PTK2: variants seen among roughly 807,000 people sequenced by gnomAD.
The protein encoded by PTK2 is focal adhesion kinase 1.
In PTK2, 45 loss-of-function variants were observed where a neutral mutation model predicts 150.1. The observed-to-expected ratio is 0.30, with a 90% CI of 0.24 to 0.38. The LOEUF is 0.38. Ranked by LOEUF, PTK2 falls within the 10% of genes least tolerant of loss-of-function variation. The pLI, the probability that PTK2 is intolerant of heterozygous loss-of-function variation, is 1.00. For synonymous variants in PTK2, 432 were observed against 449.2 expected, an observed-to-expected ratio of 0.96 and a Z score of 0.48; for missense variants, 919 against 1,307.3, an observed-to-expected ratio of 0.70 and a Z score of 4.58.
chr8:140,937,752 C>T (rs552785872), intron 1 of PTK2, among the ~76,000 whole-genome samples: 121 of 152,196 alleles, frequency 8.0e-4, no homozygotes, highest in African/African-American at 2.1e-3. Context: ...CACAAAAGTA[C>T]AACACATATT....
intron 10 of PTK2, among the ~76,000 whole-genome samples, chr8:140,804,021 C>T (rs1370306497): frequency 1.3e-5 from 2 of 152,164 alleles, no homozygotes; most frequent in Admixed American, 6.5e-5. Flanking sequence ...TCAAAGAGAA[C>T]ATTCTACTCC....
intron 13 of PTK2, among the ~76,000 whole-genome samples, chr8:140,791,568 C>T (rs542611641): frequency 6.6e-6 from 1 of 152,198 alleles, no homozygotes; most frequent in African/African-American, 2.4e-5. Context: ...GCCAGGTTGG[C>T]TGGGGAGGGT....
chr8:140,902,235 T>C (rs1387097465), intron 2 of PTK2, among the ~76,000 whole-genome samples: 4 of 152,148 alleles, frequency 2.6e-5, no homozygotes, highest in Non-Finnish European at 5.9e-5. Flanking sequence ...GGTTTTGCCA[T>C]GTTGGCCAGG....
chr8:140,997,756 T>C (rs929465496), intron 1 of PTK2, among the ~76,000 whole-genome samples: 7 of 151,928 alleles, frequency 4.6e-5, no homozygotes, highest in Non-Finnish European at 7.4e-5. Flanking sequence ...TTGTGCAACA[T>C]AGGGAGACCC....
intron 1 of PTK2, among the ~76,000 whole-genome samples, chr8:140,941,604 TA>T (rs2100175788): frequency 1.3e-5 from 2 of 152,308 alleles, no homozygotes; most frequent in East Asian, 3.9e-4. Flanking sequence ...ATTCCACTCC[TA>T]CTCACTGTTG....
At chr8:140,847,957 C>A (rs1365801094) in intron 5 of PTK2, among the ~76,000 whole-genome samples, 2 of 152,198 alleles carry the variant, frequency 1.3e-5, no homozygotes, top group African/African-American at 4.8e-5. Context: ...ACCAGCTCCC[C>A]TGTCTCCCAT....
At chr8:140,786,730 C>T (rs988949546) in intron 14 of PTK2, among the ~76,000 whole-genome samples, 1 of 152,086 alleles carries the variant, frequency 6.6e-6, no homozygotes, top group Non-Finnish European at 1.5e-5. Flanking sequence ...AAACAGGACT[C>T]CGAACAATTA....
chr8:140,935,029 T>C (rs1025821214), intron 1 of PTK2, among the ~76,000 whole-genome samples: 1 of 152,234 alleles, frequency 6.6e-6, no homozygotes, highest in Non-Finnish European at 1.5e-5. Context: ...TGATCTTAAG[T>C]AAGTTGTCAA....
intron 25 of PTK2, among the ~76,000 whole-genome samples, chr8:140,701,530 T>C (rs2100030450): frequency 6.6e-6 from 1 of 152,064 alleles, no homozygotes; most frequent in East Asian, 1.9e-4. Flanking sequence ...GCCTCCTGAG[T>C]AGATGCAACT....
At chr8:140,746,374 G>T in intron 18 of PTK2, 1 of 158,132 alleles carries the variant, frequency 6.3e-6, no homozygotes, top group East Asian at 1.8e-4. Flanking sequence ...AAAAGATAAA[G>T]GAAATGTTTA....
At chr8:140,735,279 T>C in exon 22 of PTK2, 1 of 1,614,032 alleles carries the variant, frequency 6.2e-7, no homozygotes, top group Non-Finnish European at 8.5e-7. Flanking sequence ...TCAGTAAACC[T>C]GGGCCGCCTG....
chr8:140,898,344 C>G (rs2100157141), intron 2 of PTK2, among the ~76,000 whole-genome samples: 1 of 152,218 alleles, frequency 6.6e-6, no homozygotes, highest in African/African-American at 2.4e-5. Context: ...GCTGACTACA[C>G]TTTACTGAGT....
chr8:140,765,545 T>C (rs1475845283), intron 14 of PTK2, among the ~76,000 whole-genome samples: 1 of 152,206 alleles, frequency 6.6e-6, no homozygotes, highest in Non-Finnish European at 1.5e-5. Flanking sequence ...ACAGTTATTA[T>C]CTGTAAACTA....
chr8:140,682,418 G>A (rs776306065), intron 27 of PTK2, among the ~76,000 whole-genome samples: 1 of 152,058 alleles, frequency 6.6e-6, no homozygotes, highest in African/African-American at 2.4e-5. Flanking sequence ...AAATGACAGC[G>A]TGTGTTAACA....
At chr8:140,782,585 T>A (rs1392684184) in intron 14 of PTK2, among the ~76,000 whole-genome samples, 2 of 151,802 alleles carry the variant, frequency 1.3e-5, no homozygotes, top group Non-Finnish European at 2.9e-5. Context: ...GTAGATTTGG[T>A]AGGGAAAAAA....
intron 7 of PTK2, among the ~76,000 whole-genome samples, chr8:140,834,403 T>C (rs922907785): frequency 3.9e-5 from 6 of 152,184 alleles, no homozygotes; most frequent in Non-Finnish European, 7.4e-5. Context: ...GAGACAGCTG[T>C]ATGTTAAGAA....
At chr8:140,875,165 C>T (rs1272978144) in intron 4 of PTK2, among the ~76,000 whole-genome samples, 1 of 152,130 alleles carries the variant, frequency 6.6e-6, no homozygotes, top group Admixed American at 6.5e-5. Context: ...AGGTCCAAGC[C>T]ATGCCTAGAA....
chr8:140,800,409 T>A (rs1433641660), intron 12 of PTK2, 50 bp downstream of exon 12: 1 of 1,453,124 alleles, frequency 6.9e-7, no homozygotes, highest in Non-Finnish European at 9.7e-7. Context: ...CAAGCACAGC[T>A]AAATATTTGG....
intron 26 of PTK2, among the ~76,000 whole-genome samples, chr8:140,694,925 G>A (rs1245629869): frequency 6.6e-6 from 1 of 152,156 alleles, no homozygotes; most frequent in Non-Finnish European, 1.5e-5. Flanking sequence ...ACTGACAGAG[G>A]GTCAGGGTGG....
Sources: gnomAD v4.1 joint callset for allele counts (sites outside exome capture counted in the v4.1 genomes callset) on GRCh38, gnomAD v4.1.1 for gene constraint, MANE v1.5 for transcripts, NCBI Gene and HGNC (gene_info 2026-07-23, HGNC 2026-07-21) for gene names.